Variants in LRRC4C observed in about 807,000 individuals in gnomAD.
LRRC4C encodes the protein leucine-rich repeat-containing protein 4C.
LRRC4C carries 5 observed loss-of-function variants against 33.6 expected under a neutral mutation model. That is an observed-to-expected ratio of 0.15 (90% CI 0.08 to 0.31). LRRC4C has a LOEUF of 0.31. Among genes scored for constraint, LRRC4C ranks in the 10% least tolerant of loss-of-function variants. The pLI is 1.00. For synonymous variants in LRRC4C, 329 were observed against 302.0 expected (o/e 1.09, Z -0.93); for missense variants, 560 against 796.7 (o/e 0.70, Z 3.58).
At chr11:40,744,790 C>T (rs10837495) in intron 2 of LRRC4C, among the ~76,000 whole-genome samples, 59,456 of 151,794 alleles carry the variant, frequency 0.39, 12,228 homozygotes, top group Middle Eastern at 0.47. Flanking sequence ...ACAGCAAAGT[C>T]CATGTTCTTA....
chr11:40,568,352 T>C (rs1957847308), intron 3 of LRRC4C, among the ~76,000 whole-genome samples: 1 of 152,176 alleles, frequency 6.6e-6, no homozygotes, highest in Admixed American at 6.5e-5. Context: ...CAGTTCAGCC[T>C]CCAGAGGACT....
chr11:41,359,449 G>T (rs2860512), intron 1 of LRRC4C, among the ~76,000 whole-genome samples: 66,398 of 151,856 alleles, frequency 0.44, 14,948 homozygotes, highest in Non-Finnish European at 0.49. Flanking sequence ...GAGGACAGGG[G>T]GTACATGGGA....
intron 3 of LRRC4C, among the ~76,000 whole-genome samples, chr11:40,619,997 T>C (rs901015508): frequency 6.7e-6 from 1 of 150,238 alleles, no homozygotes; most frequent in Admixed American, 6.7e-5. Flanking sequence ...AATGCAAAAG[T>C]TCATTACATA....
chr11:40,115,648 G>A lies in LRRC4C; in HGVS notation c.645C>T (p.Leu215=). The A allele has an allele frequency of 6.2e-7, 1 of 1,614,168 alleles. No individual in the cohort carries two copies. The highest frequency in any genetic ancestry group is 8.5e-7 in the Non-Finnish European group (1 of 1,180,032). ...GCTCATCTAGTTTTATGAGCGGTGT[G>A]AGGTTAGGGATTTCCCGAAGGTTGC... ...AMCNLREIPN[L]TPLIKLDELD... Residue 215 remains leucine (L), a synonymous_variant, in exon 7 of 7, where the codon CTC becomes CTT. Coordinates refer to ENST00000528697, the MANE Select transcript of LRRC4C (RefSeq NM_001258419.2). The surrounding 1 kb of genome is among the most constrained non-coding windows in gnomAD (Gnocchi z 6.7).
intron 3 of LRRC4C, among the ~76,000 whole-genome samples, chr11:40,540,371 TC>T (rs1956656909): frequency 6.6e-6 from 1 of 152,154 alleles, no homozygotes; most frequent in South Asian, 2.1e-4. Context: ...CTGTCTGTTT[TC>T]CCCTACGTAA....
intron 2 of LRRC4C, among the ~76,000 whole-genome samples, chr11:40,714,215 A>G (rs1000213993): frequency 6.6e-6 from 1 of 152,188 alleles, no homozygotes; most frequent in African/African-American, 2.4e-5. Context: ...TCAACAACAT[A>G]GAGTCCTCAG....
At chr11:41,453,245 A>G (rs928953629) in intron 1 of LRRC4C, among the ~76,000 whole-genome samples, 2 of 152,144 alleles carry the variant, frequency 1.3e-5, no homozygotes, top group African/African-American at 4.8e-5. Flanking sequence ...GGCATCAGAC[A>G]TTTTAATAAG....
At chr11:40,389,257 A>T (rs1425984923) in intron 3 of LRRC4C, among the ~76,000 whole-genome samples, 1 of 152,178 alleles carries the variant, frequency 6.6e-6, no homozygotes, top group Non-Finnish European at 1.5e-5. Context: ...AGTGATAGAG[A>T]TATCTTAGGG....
intron 3 of LRRC4C, among the ~76,000 whole-genome samples, chr11:40,499,993 C>T (rs1199045282): frequency 6.6e-6 from 1 of 151,986 alleles, no homozygotes; most frequent in Non-Finnish European, 1.5e-5. Flanking sequence ...ATCCTCTGTT[C>T]CTGTCCCAGC....
chr11:40,650,235 C>A (rs997518267), intron 2 of LRRC4C, among the ~76,000 whole-genome samples: 3 of 151,984 alleles, frequency 2.0e-5, no homozygotes, highest in African/African-American at 7.3e-5. Flanking sequence ...CCCAGTAGAC[C>A]AAAGCAAAAT....
intron 3 of LRRC4C, among the ~76,000 whole-genome samples, chr11:40,605,357 C>T (rs1156532139): frequency 6.6e-6 from 1 of 152,096 alleles, no homozygotes; most frequent in Non-Finnish European, 1.5e-5. Flanking sequence ...AGATTGATGT[C>T]AGTGGGACGG....
intron 3 of LRRC4C, chr11:40,445,830 TC>T (rs1158204874): frequency 1.3e-5 from 2 of 152,250 alleles, no homozygotes; most frequent in Admixed American, 6.5e-5. Flanking sequence ...TTCACTAGAT[TC>T]ATAAGGTTTT....
chr11:41,387,045 C>T (rs754064817), intron 1 of LRRC4C, among the ~76,000 whole-genome samples: 54 of 151,822 alleles, frequency 3.6e-4, no homozygotes, highest in African/African-American at 9.6e-4. Flanking sequence ...TTTACAATGA[C>T]ATTAGCCTGA....
intron 3 of LRRC4C, among the ~76,000 whole-genome samples, chr11:40,467,196 T>C (rs917724663): frequency 1.3e-5 from 2 of 152,138 alleles, no homozygotes; most frequent in African/African-American, 4.8e-5. Context: ...GTGAGATACT[T>C]GTATAAGATG....
intron 3 of LRRC4C, among the ~76,000 whole-genome samples, chr11:40,477,792 T>TTGGTTTGACACTTACTGTGTGACG (rs1188043350): frequency 6.6e-6 from 1 of 152,132 alleles, no homozygotes; most frequent in Non-Finnish European, 1.5e-5. Flanking sequence ...GATTTTAGTC[T>TTGGTTTGACACTTACTGTGTGACG]TGGTTTGACA....
At chr11:40,355,963 A>T (rs202135028) in intron 3 of LRRC4C, among the ~76,000 whole-genome samples, 17 of 60,112 alleles carry the variant, frequency 2.8e-4, no homozygotes, top group South Asian at 6.5e-4. Flanking sequence ...TGTATAGTAT[A>T]GTATAGTATA....
chr11:41,092,990 T>G (rs1348272144), intron 1 of LRRC4C, among the ~76,000 whole-genome samples: 1 of 152,258 alleles, frequency 6.6e-6, no homozygotes, highest in African/African-American at 2.4e-5. Flanking sequence ...TGGAAAGTAC[T>G]TCATCAATTT....
At chr11:40,387,300 C>T (rs1217554104) in intron 3 of LRRC4C, among the ~76,000 whole-genome samples, 1 of 152,008 alleles carries the variant, frequency 6.6e-6, no homozygotes, top group Non-Finnish European at 1.5e-5. Flanking sequence ...ATAACATTAT[C>T]CTTATTTCTT....
At chr11:40,670,538 C>T (rs983114473) in intron 2 of LRRC4C, among the ~76,000 whole-genome samples, 3 of 152,112 alleles carry the variant, frequency 2.0e-5, no homozygotes, top group Non-Finnish European at 2.9e-5. Flanking sequence ...CATTTTTTCC[C>T]ATTTCCTGAA....
Sources: allele counts gnomAD v4.1 joint callset (sites outside exome capture counted in the v4.1 genomes callset), GRCh38; gene constraint gnomAD v4.1.1; non-coding constraint Gnocchi (gnomAD v3.1); transcripts MANE v1.5; gene names NCBI Gene and HGNC (gene_info 2026-07-23, HGNC 2026-07-21).